PIGF: variants seen among roughly 807,000 people sequenced by gnomAD.
PIGF encodes the protein GPI ethanolamine phosphate transferase, stabilizing subunit.
PIGF carries 23 observed loss-of-function variants against 26.0 expected under a neutral mutation model. The ratio of observed to expected loss-of-function variants is 0.88; its 90% CI spans 0.64 to 1.25. PIGF has a LOEUF of 1.25. Ranked by LOEUF, PIGF falls within the 50% of genes most tolerant of loss-of-function variation. PIGF has a pLI of 0.00. For synonymous variants in PIGF, 93 were observed against 92.6 expected, an observed-to-expected ratio of 1.00 and a Z score of -0.03; for missense variants, 278 against 249.9, an observed-to-expected ratio of 1.11 and a Z score of -0.76.
rs1669727466 is a variant in PIGF, at chr2:46,591,729, G to A, written c.546+746C>T. 5 of 1,140,670 alleles carry A rather than the reference G, an allele frequency of 4.4e-6. No homozygotes were observed. The African/African-American group carries it at 4.9e-5, about 11-fold the overall frequency. The allele number at this position is 1,140,670 out of a possible 1,614,324, so 70.7% of individuals were successfully genotyped here. On this transcript the variant is annotated intron_variant, in intron 5 of 5. Coordinates refer to ENST00000281382, the MANE Select transcript of PIGF (RefSeq NM_002643.4). ...ATACAGTCATCACTGTAAGTTCAGT[G>A]ACCTTGGGAATGTTACATACCCTCT...
At chr2:46,600,313 G>A (rs959735268) in intron 4 of PIGF, among the ~76,000 whole-genome samples, 6 of 152,150 alleles carry the variant, frequency 3.9e-5, no homozygotes, top group Admixed American at 2.6e-4. Context: ...TAGTTTGACA[G>A]TGTCTGTTAA....
Position 46,612,329 on chromosome 2 carries a change from T to C in PIGF, c.336A>G (p.Thr112=), listed in dbSNP as rs756245371. ...GAPLIELALE[T]FLFAVILSTF... ...TAGACAAAATAACTGCAAATAAAAATGTTTCCAATGCCAACCTAGAAAAAA... is the reference window on the plus strand; with the variant it reads ...TAGACAAAATAACTGCAAATAAAAACGTTTCCAATGCCAACCTAGAAAAAA... The change falls in exon 4 of 6, where the codon ACA becomes ACG. Residue 112 remains threonine, a synonymous_variant. Coordinates refer to ENST00000281382, the MANE Select transcript of PIGF (RefSeq NM_002643.4). 5.7e-6 allele frequency: 8 copies of C among 1,411,706 alleles called. No homozygotes were observed. Among genetic ancestry groups the C allele is most frequent in the Non-Finnish European group, 7.6e-6 (8 of 1,048,326 alleles). 87.4% of individuals were successfully genotyped at this position (1,411,706 alleles called of 1,614,324 possible). A position where few individuals can be genotyped will look rare whatever the true frequency, so the allele number is the denominator to read the frequency against.
chr2:46,616,954 G>C lies in PIGF; in HGVS notation c.-22+16C>G. The C allele has an allele frequency of 2.0e-6, 1 of 495,766 alleles. No individual in the cohort carries two copies. The highest frequency in any genetic ancestry group is 3.6e-6 in the Non-Finnish European group (1 of 274,180). 30.7% of individuals were successfully genotyped at this position (495,766 alleles called of 1,614,324 possible). A position where few individuals can be genotyped will look rare whatever the true frequency, so the allele number is the denominator to read the frequency against. ...CCTCGTGAGGCGAGACGCCGAGGGC[G>C]TCCAGCGGGGCTTACCTAACTCTCC... On this transcript the variant is annotated intron_variant, in intron 1 of 5. Coordinates refer to ENST00000281382, the MANE Select transcript of PIGF (RefSeq NM_002643.4).
intron 4 of PIGF, among the ~76,000 whole-genome samples, chr2:46,610,249 T>C (rs1670368777): frequency 6.6e-6 from 1 of 152,204 alleles, no homozygotes; most frequent in Non-Finnish European, 1.5e-5. Flanking sequence ...GGCCACATTA[T>C]AGCAGAACTA....
chr2:46,615,223 C>T (rs907487058), intron 1 of PIGF, 38 bp from the exon 2 acceptor site: 2 of 809,104 alleles, frequency 2.5e-6, no homozygotes, highest in Admixed American at 2.1e-5. Flanking sequence ...TATGCAATAA[C>T]GACTTTTTCC....
rs116340430 is a variant in PIGF at position 46,612,007 on chromosome 2, A to C, written c.437+221T>G. ...AAAAGGCTAGGTGGAATTCTACCAT[A>C]CAGAAAAAAGGAGAGCTGATCTTGC... On this transcript the variant is annotated intron_variant, in intron 4 of 5. Transcript: ENST00000281382. Among the ~76,000 whole-genome samples, 829 of 151,316 alleles carry C rather than the reference A, an allele frequency of 5.5e-3. 9 individuals are homozygous for C. The highest frequency in any genetic ancestry group is 0.019 in the African/African-American group (789 of 41,250).
intron 4 of PIGF, among the ~76,000 whole-genome samples, chr2:46,603,578 T>G (rs1670126827): frequency 6.6e-6 from 1 of 151,812 alleles, no homozygotes; most frequent in Non-Finnish European, 1.5e-5. Flanking sequence ...GCTCATTTCA[T>G]CAAAGATGCC....
chr2:46,588,024 T>A lies in PIGF; in HGVS notation c.546+4451A>T, dbSNP rs1190366948. On this transcript the variant is annotated intron_variant, in intron 5 of 5. Transcript: ENST00000281382. The surrounding 1 kb of genome is among the most constrained non-coding windows in gnomAD (Gnocchi z 4.1). ...TAATGCTAAGCAAGATGTGTACTCC[T>A]CCCCTCTCACACTTGGACTTTCTAG... 6.9e-7 allele frequency: 1 copy of A among 1,459,786 alleles called. No individual in the cohort carries two copies. Among genetic ancestry groups the A allele is most frequent in the Non-Finnish European group, 9.1e-7 (1 of 1,098,224 alleles). The allele number at this position is 1,459,786 out of a possible 1,614,324, so 90.4% of individuals were successfully genotyped here.
intron 1 of PIGF, 185 bp downstream of exon 1, chr2:46,616,785 G>C (rs539449914): frequency 1.1e-5 from 2 of 184,874 alleles, no homozygotes; most frequent in African/African-American, 4.8e-5. Context: ...GGAAAACTGG[G>C]GGACAGAGGC....
At chr2:46,599,710 T>G (rs1669996239) in intron 4 of PIGF, among the ~76,000 whole-genome samples, 1 of 152,226 alleles carries the variant, frequency 6.6e-6, no homozygotes, top group Admixed American at 6.5e-5. Context: ...ATTCATATCC[T>G]TAGTACTATT....
chr2:46,596,212 C>CA (rs544010392), intron 4 of PIGF, among the ~76,000 whole-genome samples: 21,368 of 102,652 alleles, frequency 0.21, 2,724 homozygotes, highest in African/African-American at 0.42. Context: ...GACCCCATCT[C>CA]AAAAAAAAAA....
At chr2:46,592,244 T>C (rs879011328) in intron 5 of PIGF, among the ~76,000 whole-genome samples, 6 of 152,182 alleles carry the variant, frequency 3.9e-5, no homozygotes, top group Non-Finnish European at 8.8e-5. Context: ...TGTTTATTCA[T>C]CTACACATGT....
chr2:46,588,123 C>A lies in PIGF; in HGVS notation c.546+4352G>T. On this transcript the variant is annotated intron_variant, in intron 5 of 5. Transcript: ENST00000281382. This position sits in a 1 kb window ranked among gnomAD's most constrained non-coding sequence, Gnocchi z 4.1. ...AAGTTACTCATTTCACAGTACCAAG[C>A]CCCCTGCAGGGTACATGGAGAGATC... 6.2e-7 allele frequency: 1 copy of A among 1,610,852 alleles called. No individual in the cohort carries two copies. Among genetic ancestry groups the A allele is most frequent in the South Asian group, 1.1e-5 (1 of 90,682 alleles).
At chr2:46,600,730 A>T (rs1344958931) in intron 4 of PIGF, among the ~76,000 whole-genome samples, 1 of 152,152 alleles carries the variant, frequency 6.6e-6, no homozygotes, top group African/African-American at 2.4e-5. Flanking sequence ...TGACATAATC[A>T]GTTTCCTTAT....
intron 4 of PIGF, among the ~76,000 whole-genome samples, chr2:46,610,526 CTTTTT>C (rs10690699): frequency 1.8e-5 from 2 of 110,316 alleles, no homozygotes; most frequent in African/African-American, 7.3e-5. Context: ...GTACTGATTC[CTTTTT>C]TTTTTTTTTT....
At chr2:46,604,215 C>A (rs940279365) in intron 4 of PIGF, among the ~76,000 whole-genome samples, 1 of 151,964 alleles carries the variant, frequency 6.6e-6, no homozygotes. Flanking sequence ...CAGGCAATAA[C>A]AAATGCTGGC....
At chr2:46,595,481 A>C (rs554733066) in intron 4 of PIGF, among the ~76,000 whole-genome samples, 6 of 152,294 alleles carry the variant, frequency 3.9e-5, no homozygotes, top group Admixed American at 2.0e-4. Context: ...GGGATATTCC[A>C]CATTTTATCT....
chr2:46,602,036 GA>G (rs3835757), intron 4 of PIGF, among the ~76,000 whole-genome samples: 25,151 of 148,064 alleles, frequency 0.17, 3,363 homozygotes, highest in African/African-American at 0.37. Context: ...GTCTGCAAAT[GA>G]AAAAAAAAAT....
chr2:46,590,471 C>G (rs2104074178), intron 5 of PIGF, among the ~76,000 whole-genome samples: 1 of 152,110 alleles, frequency 6.6e-6, no homozygotes, highest in South Asian at 2.1e-4. Context: ...ACAGAAAAGA[C>G]TTAAATTATG....
Sources: gnomAD v4.1 joint callset for allele counts (sites outside exome capture counted in the v4.1 genomes callset) on GRCh38, gnomAD v4.1.1 for gene constraint, Gnocchi (gnomAD v3.1) non-coding constraint, MANE v1.5 for transcripts, NCBI Gene and HGNC (gene_info 2026-07-23, HGNC 2026-07-21) for gene names.